Variants in TCF4 observed in about 807,000 individuals in gnomAD.
The protein encoded by TCF4 is SL3-3 enhancer factor 2.
TCF4 carries 3 observed loss-of-function variants against 82.1 expected under a neutral mutation model. The observed-to-expected ratio is 0.04, with a 90% CI of 0.02 to 0.09. TCF4 has a LOEUF of 0.09. TCF4 is among the 10% of genes least tolerant of loss of function. The probability of loss-of-function intolerance (pLI) is 1.00; values close to 1 mark genes in which losing one functional copy is unlikely to be tolerated. For missense variants in TCF4, 518 were observed against 852.7 expected, an observed-to-expected ratio of 0.61 and a Z score of 4.89; for synonymous variants, 276 against 309.6, an observed-to-expected ratio of 0.89 and a Z score of 1.14.
intron 3 of TCF4, among the ~76,000 whole-genome samples, chr18:55,488,463 G>GAA (rs113764039): frequency 1.3e-5 from 2 of 150,298 alleles, no homozygotes; most frequent in South Asian, 2.1e-4. Context: ...AGAAGAGAGG[G>GAA]AAAAAAAAAG....
chr18:55,527,096 T>C (rs923012307), intron 3 of TCF4, among the ~76,000 whole-genome samples: 2 of 152,134 alleles, frequency 1.3e-5, no homozygotes, highest in African/African-American at 2.4e-5. Context: ...AAGGAGGAGA[T>C]AGGTGAAAAT....
chr18:55,264,592 T>A (rs1470105361), intron 11 of TCF4: 1 of 150,806 alleles, frequency 6.6e-6, no homozygotes, highest in Non-Finnish European at 1.5e-5. Context: ...TGGCAGAATT[T>A]TTTTTTTTTT....
At chr18:55,501,440 T>C (rs1374378314) in intron 3 of TCF4, among the ~76,000 whole-genome samples, 1 of 152,182 alleles carries the variant, frequency 6.6e-6, no homozygotes, top group African/African-American at 2.4e-5. Flanking sequence ...CTTTTTGACA[T>C]CTCAAATTTT....
intron 2 of TCF4, among the ~76,000 whole-genome samples, chr18:55,626,117 A>G (rs939016944): frequency 6.6e-6 from 1 of 152,196 alleles, no homozygotes; most frequent in African/African-American, 2.4e-5. Context: ...CACTATTCCA[A>G]CTCATTAGGG....
intron 5 of TCF4, among the ~76,000 whole-genome samples, chr18:55,427,958 C>T (rs1469707324): frequency 2.6e-5 from 4 of 152,082 alleles, no homozygotes; most frequent in Non-Finnish European, 4.4e-5. Context: ...TAATTTATTA[C>T]GTGAATGAAA....
chr18:55,634,065 T>C lies in TCF4; in HGVS notation c.195+1638A>G, dbSNP rs181067272. On this transcript the variant is annotated intron_variant, in intron 1 of 20. Transcript: ENST00000398339. Reference sequence around the variant, plus strand: ...GGGCGGGTCACCTGAGGTCAGGAGTTCAAGACCAGCCTGGCCAACATGATG... The same window carrying C: ...GGGCGGGTCACCTGAGGTCAGGAGTCCAAGACCAGCCTGGCCAACATGATG... Among the ~76,000 whole-genome samples the C allele has an allele frequency of 2.0e-3, 299 of 152,182 alleles. 2 individuals are homozygous for C. The highest frequency in any genetic ancestry group is 6.9e-3 in the African/African-American group (286 of 41,516).
chr18:55,279,175 T>C (rs774454466), intron 9 of TCF4, among the ~76,000 whole-genome samples: 1 of 152,186 alleles, frequency 6.6e-6, no homozygotes, highest in Non-Finnish European at 1.5e-5. Context: ...TTGTTCCCAG[T>C]TGGCTAAATC....
At chr18:55,390,241 G>A (rs1603437480) in intron 6 of TCF4, among the ~76,000 whole-genome samples, 1 of 148,022 alleles carries the variant, frequency 6.8e-6, no homozygotes. Context: ...CACTCTGGCC[G>A]GGAGTTCAAG....
intron 8 of TCF4, among the ~76,000 whole-genome samples, chr18:55,323,295 T>C (rs1217260241): frequency 6.6e-6 from 1 of 152,126 alleles, no homozygotes; most frequent in Non-Finnish European, 1.5e-5. Flanking sequence ...CGAGCATACA[T>C]CTATTCTCAA....
At chr18:55,321,795 G>T in intron 8 of TCF4, 1 of 1,509,198 alleles carries the variant, frequency 6.6e-7, no homozygotes, top group South Asian at 1.2e-5. Flanking sequence ...TTTCAAACTC[G>T]CTGTCCCTTT....
At chr18:55,376,313 A>G (rs2090730100) in intron 6 of TCF4, among the ~76,000 whole-genome samples, 1 of 152,124 alleles carries the variant, frequency 6.6e-6, no homozygotes, top group South Asian at 2.1e-4. Flanking sequence ...GGTGTAAGCC[A>G]CCGTGCCCGG....
intron 3 of TCF4, among the ~76,000 whole-genome samples, chr18:55,575,575 AAT>A: frequency 6.6e-6 from 1 of 150,968 alleles, no homozygotes; most frequent in Non-Finnish European, 1.5e-5. Flanking sequence ...CTTTGTCATA[AAT>A]TTTTTTTTTT....
intron 9 of TCF4, among the ~76,000 whole-genome samples, chr18:55,277,089 C>T (rs1281598286): frequency 6.6e-6 from 1 of 152,154 alleles, no homozygotes; most frequent in Non-Finnish European, 1.5e-5. Context: ...GAACATCTTT[C>T]ACCTTAATTG....
intron 11 of TCF4, among the ~76,000 whole-genome samples, chr18:55,263,093 G>C (rs182687630): frequency 6.6e-6 from 1 of 152,068 alleles, no homozygotes; most frequent in Non-Finnish European, 1.5e-5. Flanking sequence ...ACTGAGTCAC[G>C]GTGCCCAGCC....
At chr18:55,254,442 T>G in intron 15 of TCF4, 55 bp downstream of exon 15, 1 of 1,537,722 alleles carries the variant, frequency 6.5e-7, no homozygotes, top group East Asian at 2.3e-5. Flanking sequence ...AGTATCTATA[T>G]CTGAAATTCT....
chr18:55,340,915 A>T (rs2079799516), intron 8 of TCF4, among the ~76,000 whole-genome samples: 1 of 152,134 alleles, frequency 6.6e-6, no homozygotes, highest in Admixed American at 6.5e-5. Flanking sequence ...GCCCCCTAAA[A>T]ACCCAGTTGA....
At chr18:55,563,187 C>T (rs1484110419) in intron 3 of TCF4, among the ~76,000 whole-genome samples, 5 of 144,438 alleles carry the variant, frequency 3.5e-5, no homozygotes, top group African/African-American at 5.1e-5. Flanking sequence ...CTCAGTGAGC[C>T]GTGATCACAC....
intron 6 of TCF4, among the ~76,000 whole-genome samples, chr18:55,366,251 CAGA>C (rs2087089586): frequency 6.6e-6 from 1 of 152,046 alleles, no homozygotes; most frequent in South Asian, 2.1e-4. Context: ...TGAAAAATTC[CAGA>C]AGGTTTGAAA....
intron 3 of TCF4, among the ~76,000 whole-genome samples, chr18:55,479,588 T>C (rs2096376947): frequency 1.3e-5 from 2 of 152,150 alleles, no homozygotes; most frequent in Non-Finnish European, 2.9e-5. Context: ...GCCCTTAAAA[T>C]TTCCCATGTA....
Sources: allele counts gnomAD v4.1 joint callset (sites outside exome capture counted in the v4.1 genomes callset), GRCh38; gene constraint gnomAD v4.1.1; transcripts MANE v1.5; gene names NCBI Gene and HGNC (gene_info 2026-07-23, HGNC 2026-07-21).